MACROD2: variants seen among roughly 807,000 people sequenced by gnomAD.
The protein encoded by MACROD2 is mono-ADP ribosylhydrolase 2, also known as ADP-ribose glycohydrolase MACROD2.
A neutral mutation model predicts 70.4 loss-of-function variants in MACROD2; 36 were observed. That is an observed-to-expected ratio of 0.51 (90% CI 0.39 to 0.68). The LOEUF is 0.68. MACROD2 is among the 30% of genes least tolerant of loss of function. The pLI is 0.00. For synonymous variants in MACROD2, 172 were observed against 178.8 expected, an observed-to-expected ratio of 0.96 and a Z score of 0.30; for missense variants, 496 against 538.4, an observed-to-expected ratio of 0.92 and a Z score of 0.78.
chr20:15,714,577 G>T (rs2050679796), intron 8 of MACROD2, among the ~76,000 whole-genome samples: 1 of 152,160 alleles, frequency 6.6e-6, no homozygotes. Context: ...TTTTAGGCTT[G>T]ATTAGGGTCT....
At chr20:15,509,458 T>C (rs961628190) in intron 8 of MACROD2, among the ~76,000 whole-genome samples, 2 of 152,168 alleles carry the variant, frequency 1.3e-5, no homozygotes, top group Admixed American at 1.3e-4. Context: ...TTTGCTCAGA[T>C]GACTTGGCCA....
intron 2 of MACROD2, among the ~76,000 whole-genome samples, chr20:14,079,444 A>G (rs764213562): frequency 2.6e-5 from 4 of 152,238 alleles, no homozygotes; most frequent in Non-Finnish European, 5.9e-5. Flanking sequence ...TGGAATATTT[A>G]TCATTCTTTA....
chr20:14,134,801 CAAAA>C (rs5840594), intron 3 of MACROD2, among the ~76,000 whole-genome samples: 3 of 98,344 alleles, frequency 3.1e-5, no homozygotes, highest in Non-Finnish European at 5.6e-5. Context: ...GACTCCGTGT[CAAAA>C]AAAAAAAAAA....
At chr20:15,182,768 A>G (rs2076509204) in intron 5 of MACROD2, among the ~76,000 whole-genome samples, 1 of 152,020 alleles carries the variant, frequency 6.6e-6, no homozygotes. Context: ...GCATTTCTTT[A>G]CTCATTCATT....
chr20:16,001,786 AG>A (rs1266534998), intron 15 of MACROD2, among the ~76,000 whole-genome samples: 5 of 152,286 alleles, frequency 3.3e-5, no homozygotes, highest in Non-Finnish European at 7.4e-5. Flanking sequence ...TAGTTCATAA[AG>A]TAAAAATATT....
At chr20:14,649,638 G>A (rs1469977806) in intron 4 of MACROD2, among the ~76,000 whole-genome samples, 2 of 152,154 alleles carry the variant, frequency 1.3e-5, no homozygotes, top group East Asian at 3.9e-4. Flanking sequence ...TGGTCATGGG[G>A]CTGGCCATAC....
intron 3 of MACROD2, among the ~76,000 whole-genome samples, chr20:14,352,810 G>A (rs1414525256): frequency 6.6e-6 from 1 of 150,774 alleles, no homozygotes; most frequent in Non-Finnish European, 1.5e-5. Flanking sequence ...AAACATGGAA[G>A]TACAGAGACT....
chr20:15,829,008 T>A (rs904716151), intron 8 of MACROD2, among the ~76,000 whole-genome samples: 1 of 152,218 alleles, frequency 6.6e-6, no homozygotes, highest in Non-Finnish European at 1.5e-5. Context: ...TACAAACAAT[T>A]CTTTTCAATG....
At chr20:15,922,559 C>CT (rs2065426366) in intron 10 of MACROD2, among the ~76,000 whole-genome samples, 1 of 152,202 alleles carries the variant, frequency 6.6e-6, no homozygotes, top group Admixed American at 6.5e-5. Context: ...GGCAATACAG[C>CT]TTTAAAGGAC....
chr20:15,269,905 A>G (rs903584701), intron 6 of MACROD2, among the ~76,000 whole-genome samples: 1 of 152,124 alleles, frequency 6.6e-6, no homozygotes, highest in Non-Finnish European at 1.5e-5. Context: ...TTTGGCACCT[A>G]TTAGGCCCCC....
intron 3 of MACROD2, among the ~76,000 whole-genome samples, chr20:14,245,232 G>A (rs577287250): frequency 2.4e-4 from 36 of 151,958 alleles, no homozygotes; most frequent in African/African-American, 8.0e-4. Flanking sequence ...GCGTGGTGGC[G>A]GGCACCTGTA....
intron 15 of MACROD2, among the ~76,000 whole-genome samples, chr20:16,012,217 C>T (rs1302700282): frequency 6.6e-6 from 1 of 152,204 alleles, no homozygotes; most frequent in Non-Finnish European, 1.5e-5. Context: ...GACTTCACCC[C>T]ACCTTGCCCC....
intron 6 of MACROD2, among the ~76,000 whole-genome samples, chr20:15,355,366 C>A (rs1439846954): frequency 6.6e-6 from 1 of 152,080 alleles, no homozygotes; most frequent in East Asian, 1.9e-4. Flanking sequence ...ATAAAAAATA[C>A]AGATGAGAAA....
chr20:14,720,059 A>G (rs993180867), intron 5 of MACROD2, among the ~76,000 whole-genome samples: 4 of 152,196 alleles, frequency 2.6e-5, no homozygotes, highest in African/African-American at 9.7e-5. Context: ...GCAATTGCAT[A>G]TAATATAAAA....
intron 4 of MACROD2, among the ~76,000 whole-genome samples, chr20:14,509,478 A>T (rs1006905972): frequency 1.3e-5 from 2 of 152,068 alleles, no homozygotes; most frequent in Non-Finnish European, 2.9e-5. Flanking sequence ...ATTTCCATAA[A>T]AGAATAAGTA....
intron 3 of MACROD2, among the ~76,000 whole-genome samples, chr20:14,159,374 C>A (rs34888160): frequency 3.9e-4 from 60 of 152,144 alleles, no homozygotes; most frequent in Non-Finnish European, 7.2e-4. Flanking sequence ...CATAGGATAT[C>A]TTTCCATTTG....
chr20:15,267,814 A>G (rs1308004233), intron 6 of MACROD2, among the ~76,000 whole-genome samples: 1 of 152,062 alleles, frequency 6.6e-6, no homozygotes, highest in African/African-American at 2.4e-5. Context: ...GGTGGGGAGG[A>G]GCCTGGCCTC....
intron 5 of MACROD2, among the ~76,000 whole-genome samples, chr20:14,815,137 CAT>C (rs1359528046): frequency 6.6e-6 from 1 of 151,964 alleles, no homozygotes; most frequent in Non-Finnish European, 1.5e-5. Flanking sequence ...AATTGAGTAA[CAT>C]ATTTTAATCT....
intron 3 of MACROD2, among the ~76,000 whole-genome samples, chr20:14,113,200 T>C (rs2054474509): frequency 6.6e-6 from 1 of 152,048 alleles, no homozygotes; most frequent in Non-Finnish European, 1.5e-5. Flanking sequence ...ATATTTTATT[T>C]TTACATACTG....
Sources: allele counts gnomAD v4.1 joint callset (sites outside exome capture counted in the v4.1 genomes callset), GRCh38; gene constraint gnomAD v4.1.1; transcripts MANE v1.5; gene names NCBI Gene and HGNC (gene_info 2026-07-23, HGNC 2026-07-21).